VTI1B: variants seen among roughly 807,000 people sequenced by gnomAD.
The protein encoded by VTI1B is vesicle transport through interaction with t-SNAREs 1B.
A neutral mutation model predicts 28.6 loss-of-function variants in VTI1B; 18 were observed. The observed-to-expected ratio is 0.63, with a 90% CI of 0.43 to 0.93. The LOEUF is 0.93. Among genes scored for constraint, VTI1B ranks in the 40% least tolerant of loss-of-function variants. The probability of loss-of-function intolerance (pLI) is 0.00; values close to 1 mark genes in which losing one functional copy is unlikely to be tolerated. For synonymous variants in VTI1B, 100 were observed against 107.9 expected (o/e 0.93, Z 0.46); for missense variants, 283 against 297.0 (o/e 0.95, Z 0.35).
rs527949815 is a variant in VTI1B, at chr14:67,668,093, T to TTA, written c.116-5560_116-5559dup. Among the ~76,000 whole-genome samples the TTA allele has an allele frequency of 2.1e-3, 316 of 152,332 alleles. 2 individuals carry two copies. Among genetic ancestry groups the TTA allele is most frequent in the Admixed American group, 5.0e-3 (76 of 15,294 alleles). ...GCTCTGAAAATAATAGGGTCTTGTG[T>TTA]TATACATACTGATCTAAATGATTTA... On this transcript the variant is annotated intron_variant, in intron 1 of 5. Transcript: ENST00000554659.
chr14:67,672,592 G>A (rs753622322), intron 1 of VTI1B, among the ~76,000 whole-genome samples: 2 of 151,322 alleles, frequency 1.3e-5, no homozygotes, highest in Non-Finnish European at 2.9e-5. Context: ...ACAGGCAACT[G>A]ACACCATGCC....
intron 4 of VTI1B, among the ~76,000 whole-genome samples, chr14:67,655,837 A>C (rs941214200): frequency 6.6e-6 from 1 of 152,192 alleles, no homozygotes; most frequent in Non-Finnish European, 1.5e-5. Context: ...GTAAGTGTAG[A>C]AATCAGGTCC....
intron 4 of VTI1B, among the ~76,000 whole-genome samples, chr14:67,655,674 G>A (rs1244709636): frequency 1.3e-5 from 2 of 152,110 alleles, no homozygotes; most frequent in African/African-American, 2.4e-5. Context: ...AGCAGATGAT[G>A]TTTTCGTAAG....
chr14:67,651,054 A>T lies in VTI1B; in HGVS notation c.*331T>A. 1 of 1,101,440 alleles carries T rather than the reference A, an allele frequency of 9.1e-7. No individual in the cohort carries two copies. The highest frequency in any genetic ancestry group is 1.5e-5 in the South Asian group (1 of 65,674). The allele number at this position is 1,101,440 out of a possible 1,614,324, so 68.2% of individuals were successfully genotyped here. A position where few individuals can be genotyped will look rare whatever the true frequency, so the allele number is the denominator to read the frequency against. On this transcript the variant is annotated 3_prime_UTR_variant, in exon 6 of 6. Coordinates refer to ENST00000554659, the MANE Select transcript of VTI1B (RefSeq NM_006370.3). ...AACATTTACACATTCTCACAATTGTAAAGTTTCCCCTCTATTTTGGTGACC... is the reference window on the plus strand; with the variant it reads ...AACATTTACACATTCTCACAATTGTTAAGTTTCCCCTCTATTTTGGTGACC...
intron 4 of VTI1B, 150 bp from the exon 5 acceptor site, chr14:67,653,648 TAGA>T (rs1263605965): frequency 3.1e-6 from 2 of 651,520 alleles, no homozygotes; most frequent in African/African-American, 3.7e-5. Context: ...TGAGTGTAAG[TAGA>T]AGAACCTGGA....
At position 67,674,507 on chromosome 14, in the gene VTI1B, A is replaced by C. The variant is rs1432179004; in HGVS notation, c.-18T>G. 6.4e-7 allele frequency: 1 copy of C among 1,570,662 alleles called. No individual in the cohort carries two copies. The highest frequency in any genetic ancestry group is 1.2e-5 in the South Asian group (1 of 86,946). On this transcript the variant is annotated 5_prime_UTR_variant, in exon 1 of 6. Transcript: ENST00000554659. ...GAGGCCATGGCGCAGGCCGCGCTGG[A>C]GCAGCGGCCACCGAGATTCGGGGCC...
At chr14:67,665,801 GATACTTCAGACAATTTTCTCC>G (rs1185652832) in intron 1 of VTI1B, among the ~76,000 whole-genome samples, 1 of 152,008 alleles carries the variant, frequency 6.6e-6, no homozygotes, top group Non-Finnish European at 1.5e-5. Context: ...ATATACACAA[GATACTTCAGACAATTTTCTCC>G]ATACCACTCA....
In VTI1B at chr14:67,650,243, A is replaced by T. The variant is rs1463077420; in HGVS notation, c.*1142T>A. On this transcript the variant is annotated 3_prime_UTR_variant, in exon 6 of 6. Coordinates refer to ENST00000554659, the MANE Select transcript of VTI1B (RefSeq NM_006370.3). ...TATGGTGTGGTGCTCTAACAGATAC[A>T]GATAACACATTAGAGTTCAAAAGTG... The T allele has an allele frequency of 5.0e-6, 1 of 200,828 alleles. No individual in the cohort carries two copies. The highest frequency in any genetic ancestry group is 1.0e-5 in the Non-Finnish European group (1 of 97,768). The allele number at this position is 200,828 out of a possible 1,614,324, so 12.4% of individuals were successfully genotyped here. A position where few individuals can be genotyped will look rare whatever the true frequency, so the allele number is the denominator to read the frequency against.
At chr14:67,663,105 G>A in intron 1 of VTI1B, 1 of 1,518,000 alleles carries the variant, frequency 6.6e-7, no homozygotes, top group Non-Finnish European at 8.8e-7. Flanking sequence ...TGAACGATGA[G>A]AACGTTATTC....
At chr14:67,657,249 T>TAGAA (rs962497028) in intron 3 of VTI1B, 6 of 152,180 alleles carry the variant, frequency 3.9e-5, no homozygotes, top group African/African-American at 1.4e-4. Context: ...AGAAAGCATG[T>TAGAA]AGAAGTCTGA....
chr14:67,669,171 G>A (rs553488180), intron 1 of VTI1B, among the ~76,000 whole-genome samples: 1 of 152,192 alleles, frequency 6.6e-6, no homozygotes, highest in East Asian at 1.9e-4. Context: ...AGGTCACACT[G>A]CTACTAGAAG....
chr14:67,659,714 A>G lies in VTI1B; in HGVS notation c.366+17T>C. 6.4e-7 allele frequency: 1 copy of G among 1,573,390 alleles called. No homozygotes were observed. The highest frequency in any genetic ancestry group is 8.6e-7 in the Non-Finnish European group (1 of 1,163,980). ...CCTTAAAGGAAAAAAAAAACAAACA[A>G]AACAGCTAAAACTTACCATATGCTC... is the stretch of plus-strand genomic sequence containing the variant. On this transcript the variant is annotated intron_variant, in intron 3 of 5. Transcript: ENST00000554659.
chr14:67,656,507 T>A lies in VTI1B; in HGVS notation c.449A>T (p.His150Leu). The change falls in exon 4 of 6, where the codon CAT becomes CTT. Residue 150 changes from histidine (H) to leucine (L), a missense_variant. Physicochemically the swap from His to Leu is moderately conservative, Grantham distance 99. Transcript: ENST00000554659. ...NRATQSIERSHRIATETDQIG... is the reference protein window; with the variant it reads ...NRATQSIERSLRIATETDQIG... ...CTGGTCAGTCTCTGTGGCAATCCGA[T>A]GAGAACGTTCAATACTTTGGGTGGC... 1 of 1,613,902 alleles carries A rather than the reference T, an allele frequency of 6.2e-7. No homozygotes were observed. Among genetic ancestry groups the A allele is most frequent in the Non-Finnish European group, 8.5e-7 (1 of 1,179,824 alleles).
rs1224463249 is a variant in VTI1B at position 67,655,054 on chromosome 14, T to C, written c.540+1362A>G. 1.6e-4 allele frequency among the ~76,000 whole-genome samples: 13 copies of C among 82,306 alleles called. No homozygotes were observed. In the Admixed American group the frequency reaches 1.6e-3, roughly 10 times the overall value. 54.0% of individuals were successfully genotyped at this position (82,306 alleles called of 152,430 possible). ...AAAAAAAAAAAAAAAAAAAAAAAAA[T>C]TCCAGCTGGGCACAGTGGCTCATGC... On this transcript the variant is annotated intron_variant, in intron 4 of 5. Transcript: ENST00000554659.
rs140881784 is a variant in VTI1B at position 67,665,367 on chromosome 14, G to C, written c.116-2832C>G. Among the ~76,000 whole-genome samples, 767 of 148,426 alleles carry C rather than the reference G, an allele frequency of 5.2e-3. 2 individuals are homozygous for C. Among genetic ancestry groups the C allele is most frequent in the Non-Finnish European group, 9.0e-3 (610 of 67,564 alleles). On this transcript the variant is annotated intron_variant, in intron 1 of 5. Coordinates refer to ENST00000554659, the MANE Select transcript of VTI1B (RefSeq NM_006370.3). ...CCAGGCTGAAGCAATCCTCCCACCT[G>C]CTCAAGCAATTCTCCTGCCTCATCC...
intron 1 of VTI1B, among the ~76,000 whole-genome samples, chr14:67,667,323 C>G (rs1035802956): frequency 6.6e-6 from 1 of 152,124 alleles, no homozygotes; most frequent in African/African-American, 2.4e-5. Flanking sequence ...TATGTGGTTA[C>G]TTTGCTTTTG....
rs2037171651 is a variant in VTI1B, at chr14:67,651,252, C to T, written c.*133G>A. 2 of 1,534,582 alleles carry T rather than the reference C, an allele frequency of 1.3e-6. No individual in the cohort carries two copies. Among genetic ancestry groups the T allele is most frequent in the South Asian group, 1.3e-5 (1 of 79,884 alleles). ...TGGTTTTTCATCTTTCCTCCCTCCTCCCACAGCCTGGCTATACAGTGCATC... is the reference window on the plus strand; with the variant it reads ...TGGTTTTTCATCTTTCCTCCCTCCTTCCACAGCCTGGCTATACAGTGCATC... On this transcript the variant is annotated 3_prime_UTR_variant, in exon 6 of 6. Transcript: ENST00000554659.
chr14:67,657,624 C>CACACACACACA (rs1566812567), intron 3 of VTI1B, among the ~76,000 whole-genome samples: 10 of 143,166 alleles, frequency 7.0e-5, no homozygotes, highest in Admixed American at 4.3e-4. Flanking sequence ...ACACACACAC[C>CACACACACACA]CAAAATCAAA....
At chr14:67,667,200 G>C (rs2037411878) in intron 1 of VTI1B, among the ~76,000 whole-genome samples, 1 of 152,158 alleles carries the variant, frequency 6.6e-6, no homozygotes, top group Admixed American at 6.5e-5. Flanking sequence ...CTTAATGTTT[G>C]ACCAAGGTGG....
Sources: allele counts gnomAD v4.1 joint callset (sites outside exome capture counted in the v4.1 genomes callset), GRCh38; gene constraint gnomAD v4.1.1; transcripts MANE v1.5; gene names NCBI Gene and HGNC (gene_info 2026-07-23, HGNC 2026-07-21).